Variants in KCNS3 observed in about 807,000 individuals in gnomAD.
KCNS3 encodes potassium voltage-gated channel modifier subfamily S member 3.
KCNS3 carries 13 observed loss-of-function variants against 31.0 expected under a neutral mutation model. That is an observed-to-expected ratio of 0.42 (90% confidence interval 0.27 to 0.67). The LOEUF is 0.67. KCNS3 is among the 30% of genes least tolerant of loss of function. The pLI is 0.25. For missense variants in KCNS3, 545 were observed against 622.4 expected (o/e 0.88, Z 1.32); for synonymous variants, 238 against 241.5 (o/e 0.99, Z 0.13).
At chr2:17,904,438 T>C (rs1662265110) in intron 1 of KCNS3, among the ~76,000 whole-genome samples, 1 of 152,178 alleles carries the variant, frequency 6.6e-6, no homozygotes, top group African/African-American at 2.4e-5. Flanking sequence ...TAGTTTCTTT[T>C]GCTGTGCAGA....
At chr2:17,909,746 C>A (rs986649177) in intron 1 of KCNS3, among the ~76,000 whole-genome samples, 9 of 152,146 alleles carry the variant, frequency 5.9e-5, no homozygotes, top group African/African-American at 2.2e-4. Flanking sequence ...TCAGCCACTG[C>A]AGAGGCCCTG....
At chr2:17,910,710 T>G (rs935469807) in intron 1 of KCNS3, among the ~76,000 whole-genome samples, 1 of 152,098 alleles carries the variant, frequency 6.6e-6, no homozygotes, top group Non-Finnish European at 1.5e-5. Flanking sequence ...TCCTTGTGGC[T>G]AAATCTTTCA....
chr2:17,923,609 C>G (rs1334896540), intron 2 of KCNS3, among the ~76,000 whole-genome samples: 2 of 151,758 alleles, frequency 1.3e-5, no homozygotes, highest in African/African-American at 4.8e-5. Flanking sequence ...ATTTTAACAC[C>G]TACATTCAGG....
rs2125256389 is a variant in KCNS3 at position 17,931,679 on chromosome 2, G to A, written c.671G>A (p.Gly224Glu). 3.7e-6 allele frequency: 6 copies of A among 1,614,214 alleles called. No individual in the cohort carries two copies. The Middle Eastern group carries it at 4.9e-4, about 133-fold the overall frequency. The change falls in exon 3 of 3, where the codon GGA (glycine) becomes GAA (glutamate). Residue 224 changes from glycine to glutamate, a missense_variant. By Grantham distance (98) the Gly-to-Glu change is moderately conservative. Transcript: ENST00000304101. The surrounding 1 kb of genome is among the most constrained non-coding windows in gnomAD (Gnocchi z 5.4). ...GAAGTGGATGATCCGGTGCTGGAAGGAGTGGAGATCGCGTGCATTGCCTGG... is the reference window on the plus strand; with the variant it reads ...GAAGTGGATGATCCGGTGCTGGAAGAAGTGGAGATCGCGTGCATTGCCTGG... ...DGEVDDPVLEGVEIACIAWFT... is the reference protein window; with the variant it reads ...DGEVDDPVLEEVEIACIAWFT...
chr2:17,923,902 G>A (rs1662776598), intron 2 of KCNS3, among the ~76,000 whole-genome samples: 1 of 151,836 alleles, frequency 6.6e-6, no homozygotes, highest in East Asian at 1.9e-4. Context: ...TCTGAAAAAA[G>A]GCAGCTAGGA....
intron 1 of KCNS3, among the ~76,000 whole-genome samples, chr2:17,884,266 A>ATATAT (rs1553340995): frequency 4.0e-3 from 178 of 44,988 alleles, no homozygotes; most frequent in African/African-American, 4.3e-3. Context: ...TAAAAAAAAA[A>ATATAT]AAATATATAT....
At chr2:17,884,932 GT>G (rs55738585) in intron 1 of KCNS3, among the ~76,000 whole-genome samples, 23,533 of 127,838 alleles carry the variant, frequency 0.18, 2,451 homozygotes, top group South Asian at 0.45. Flanking sequence ...CTTCCCTGTT[GT>G]TTTTTTTTTT....
In KCNS3 at chr2:17,905,303, T is replaced by C. The variant is rs1328041063; in HGVS notation, c.-251-12377T>C. 2.0e-5 allele frequency among the ~76,000 whole-genome samples: 3 copies of C among 152,362 alleles called. No homozygotes were observed. The East Asian group carries it at 5.8e-4, about 29-fold the overall frequency. On this transcript the variant is annotated intron_variant, in intron 1 of 2. Transcript: ENST00000304101. ...TAAGAATGCTTGCGATTTTTGCACA[T>C]TGATTTTGTATCCTGAGACTTTGCT...
chr2:17,932,601 T>C lies in KCNS3; in HGVS notation c.*117T>C, dbSNP rs74861505. 4.9e-4 allele frequency: 528 copies of C among 1,081,818 alleles called. 1 individual carries two copies. In the African/African-American group the frequency reaches 7.3e-3, roughly 15 times the overall value. The allele number at this position is 1,081,818 out of a possible 1,614,324, so 67.0% of individuals were successfully genotyped here. ...ATTCTCAGGGTGTACCTTTCAGCCATAGTTGGACATTCATTGCTGAATTCT... is the reference window on the plus strand; with the variant it reads ...ATTCTCAGGGTGTACCTTTCAGCCACAGTTGGACATTCATTGCTGAATTCT... On this transcript the variant is annotated 3_prime_UTR_variant, in exon 3 of 3. Transcript: ENST00000304101.
chr2:17,932,706 A>G lies in KCNS3; in HGVS notation c.*222A>G, dbSNP rs2125257275. On this transcript the variant is annotated 3_prime_UTR_variant, in exon 3 of 3. Coordinates refer to ENST00000304101, the MANE Select transcript of KCNS3 (RefSeq NM_002252.5). ...CTGAAATTTATTTTTTACAAGAGAG[A>G]GTTGTGATATAGTTTGGAATATAAG... 2.0e-6 allele frequency: 1 copy of G among 508,324 alleles called. No individual in the cohort carries two copies. Among genetic ancestry groups the G allele is most frequent in the Non-Finnish European group, 3.5e-6 (1 of 284,060 alleles). The allele number at this position is 508,324 out of a possible 1,614,324, so 31.5% of individuals were successfully genotyped here. A position where few individuals can be genotyped will look rare whatever the true frequency, so the allele number is the denominator to read the frequency against.
intron 1 of KCNS3, among the ~76,000 whole-genome samples, chr2:17,904,018 C>T (rs1249621116): frequency 6.6e-6 from 1 of 151,992 alleles, no homozygotes; most frequent in Non-Finnish European, 1.5e-5. Flanking sequence ...TTCTAGATCC[C>T]TGAGGAGTCG....
chr2:17,921,913 G>GTACA (rs1373281256), intron 2 of KCNS3, among the ~76,000 whole-genome samples: 2 of 34,118 alleles, frequency 5.9e-5, no homozygotes, highest in South Asian at 1.3e-3. Context: ...GTGTGTGTGT[G>GTACA]TGTATATATA....
chr2:17,916,866 C>A (rs1662603071), intron 1 of KCNS3, among the ~76,000 whole-genome samples: 1 of 149,424 alleles, frequency 6.7e-6, no homozygotes. Flanking sequence ...TTTTCTTCTT[C>A]TTCTTTTTTT....
At chr2:17,926,758 G>T (rs1245174253) in intron 2 of KCNS3, among the ~76,000 whole-genome samples, 1 of 152,220 alleles carries the variant, frequency 6.6e-6, no homozygotes. Flanking sequence ...TTTCCTCCAG[G>T]CTTCTAGGCC....
intron 1 of KCNS3, among the ~76,000 whole-genome samples, chr2:17,907,071 C>A (rs1382580334): frequency 2.6e-5 from 4 of 152,030 alleles, no homozygotes; most frequent in Admixed American, 6.6e-5. Context: ...TTAAAGTCTC[C>A]CATTATTAGT....
Position 17,931,423 on chromosome 2 carries a change from G to A in KCNS3, c.415G>A (p.Asp139Asn), listed in dbSNP as rs892745389. 3 of 1,614,180 alleles carry A rather than the reference G, an allele frequency of 1.9e-6. No homozygotes were observed. The highest frequency in any genetic ancestry group is 2.5e-6 in the Non-Finnish European group (3 of 1,180,028). ...HEKDWDQKSH[D>N]VSTDSSFEES... ...GAAGGACTGGGACCAGAAAAGCCAT[G>A]ATGTGAGTACCGACTCCTCGTTTGA... Residue 139 changes from aspartate to asparagine, a missense_variant, in exon 3 of 3, where the codon GAT (aspartate) becomes AAT (asparagine). By Grantham distance (23) the Asp-to-Asn change is conservative. Transcript: ENST00000304101. This position sits in a 1 kb window ranked among gnomAD's most constrained non-coding sequence, Gnocchi z 5.4.
intron 2 of KCNS3, among the ~76,000 whole-genome samples, chr2:17,928,978 C>T (rs189486891): frequency 6.6e-6 from 1 of 152,352 alleles, no homozygotes; most frequent in East Asian, 1.9e-4. Flanking sequence ...TGTTCTGTTG[C>T]AGCCCTGTCT....
Position 17,931,581 on chromosome 2 carries a change from C to T in KCNS3, c.573C>T (p.Ser191=), listed in dbSNP as rs1310210917. 2 of 1,613,998 alleles carry T rather than the reference C, an allele frequency of 1.2e-6. No homozygotes were observed. Among genetic ancestry groups the T allele is most frequent in the Non-Finnish European group, 1.7e-6 (2 of 1,179,992 alleles). The change falls in exon 3 of 3, where the codon TCC becomes TCT. Residue 191 remains serine, a synonymous_variant. Transcript: ENST00000304101. This position sits in a 1 kb window ranked among gnomAD's most constrained non-coding sequence, Gnocchi z 5.4. ...CLSAKLIAIS[S]LSVVLASIVA... is the part of the protein sequence containing the mutation. ...CCGCTAAGCTTATCGCTATCTCCTC[C>T]TTGAGCGTGGTGCTGGCCTCCATCG...
At chr2:17,899,100 C>A (rs1000715722) in intron 1 of KCNS3, among the ~76,000 whole-genome samples, 1 of 152,082 alleles carries the variant, frequency 6.6e-6, no homozygotes, top group African/African-American at 2.4e-5. Context: ...ATGGAGCACA[C>A]CTGTATTCCC....
Sources: gnomAD v4.1 joint callset for allele counts (sites outside exome capture counted in the v4.1 genomes callset) on GRCh38, gnomAD v4.1.1 for gene constraint, Gnocchi (gnomAD v3.1) non-coding constraint, MANE v1.5 for transcripts, NCBI Gene and HGNC (gene_info 2026-07-23, HGNC 2026-07-21) for gene names.